Variants in RARA observed in about 807,000 individuals in gnomAD.
RARA encodes the protein retinoic acid receptor alpha, also known as PML-DDX5-RARA fusion.
A neutral mutation model predicts 42.8 loss-of-function variants in RARA; 5 were observed. The observed-to-expected ratio is 0.12, with a 90% confidence interval of 0.06 to 0.25. The LOEUF is 0.25. Among genes scored for constraint, RARA ranks in the 10% least tolerant of loss-of-function variants. The pLI, the probability that RARA is intolerant of heterozygous loss-of-function variation, is 1.00. For missense variants in RARA, 402 were observed against 628.7 expected, an observed-to-expected ratio of 0.64 and a Z score of 3.86; for synonymous variants, 256 against 259.5, an observed-to-expected ratio of 0.99 and a Z score of 0.13.
At chr17:40,314,185 T>TG (rs1567742474) in intron 1 of RARA, among the ~76,000 whole-genome samples, 1 of 27,890 alleles carries the variant, frequency 3.6e-5, no homozygotes, top group Non-Finnish European at 6.9e-5. Context: ...GGTGGAGGGG[T>TG]GGGGTGGGGG....
chr17:40,341,245 T>C, intron 2 of RARA: 1 of 1,136,076 alleles, frequency 8.8e-7, no homozygotes, highest in South Asian at 1.9e-5. Context: ...CAGGGGCCGG[T>C]ACTGGTTCCC....
At position 40,331,104 on chromosome 17, in the gene RARA, T is replaced by G; in HGVS notation, c.-115T>G. Reference sequence around the variant, plus strand: ...CAGCTCCAGGACAGGGCGGGTGGGCTGACCACCCAAACCCCATCTGGGCCC... The same window carrying G: ...CAGCTCCAGGACAGGGCGGGTGGGCGGACCACCCAAACCCCATCTGGGCCC... On this transcript the variant is annotated 5_prime_UTR_variant, in exon 2 of 9. Coordinates refer to ENST00000254066, the MANE Select transcript of RARA (RefSeq NM_000964.4). 1 of 1,259,668 alleles carries G rather than the reference T, an allele frequency of 7.9e-7. No individual in the cohort carries two copies. The highest frequency in any genetic ancestry group is 1.1e-6 in the Non-Finnish European group (1 of 918,862). The allele number at this position is 1,259,668 out of a possible 1,614,324, so 78.0% of individuals were successfully genotyped here. A position where few individuals can be genotyped will look rare whatever the true frequency, so the allele number is the denominator to read the frequency against.
At chr17:40,349,738 C>T (rs1447266160) in intron 3 of RARA, 46 bp from the exon 4 acceptor site, 4 of 1,609,512 alleles carry the variant, frequency 2.5e-6, no homozygotes, top group Non-Finnish European at 3.4e-6. Flanking sequence ...AGGCACTGCT[C>T]CCACTGTGGG....
chr17:40,316,757 T>C (rs1359733753), intron 1 of RARA, among the ~76,000 whole-genome samples: 3 of 148,994 alleles, frequency 2.0e-5, no homozygotes, highest in East Asian at 2.0e-4. Context: ...CTGGGAGCCA[T>C]TGGCGCATTC....
chr17:40,332,474 G>C (rs571785704), intron 2 of RARA, among the ~76,000 whole-genome samples: 1 of 152,298 alleles, frequency 6.6e-6, no homozygotes, highest in East Asian at 1.9e-4. Context: ...GGCTGGGCTG[G>C]GTCAGTGCCC....
intron 1 of RARA, among the ~76,000 whole-genome samples, chr17:40,323,739 G>T (rs950850027): frequency 7.3e-6 from 1 of 136,720 alleles, no homozygotes; most frequent in East Asian, 2.5e-4. Flanking sequence ...CTTGGGGGGG[G>T]GTCAATGGGT....
At chr17:40,331,780 TGA>T (rs1346378426) in intron 2 of RARA, among the ~76,000 whole-genome samples, 1 of 151,804 alleles carries the variant, frequency 6.6e-6, no homozygotes, top group Non-Finnish European at 1.5e-5. Context: ...CTACCTAGAG[TGA>T]GAGCAGCACA....
At chr17:40,338,974 C>T (rs1470086452) in intron 2 of RARA, among the ~76,000 whole-genome samples, 3 of 152,178 alleles carry the variant, frequency 2.0e-5, no homozygotes, top group Non-Finnish European at 4.4e-5. Context: ...GCTGAGATCA[C>T]ACCACTGCAC....
Position 40,357,001 on chromosome 17 carries a change from C to A in RARA, c.*775C>A. On this transcript the variant is annotated 3_prime_UTR_variant, in exon 9 of 9. Coordinates refer to ENST00000254066, the MANE Select transcript of RARA (RefSeq NM_000964.4). ...CTAACTTTCCAAGGCCTGCCTTCCC[C>A]TCCCTCCCACTGGAGAAGCCGCCAG... 1 of 388,322 alleles carries A rather than the reference C, an allele frequency of 2.6e-6. No individual in the cohort carries two copies. The highest frequency in any genetic ancestry group is 4.4e-5 in the Admixed American group (1 of 22,828). 24.1% of individuals were successfully genotyped at this position (388,322 alleles called of 1,614,324 possible). A position where few individuals can be genotyped will look rare whatever the true frequency, so the allele number is the denominator to read the frequency against.
At chr17:40,336,076 TTTG>T (rs550424980) in intron 2 of RARA, among the ~76,000 whole-genome samples, 1 of 152,096 alleles carries the variant, frequency 6.6e-6, no homozygotes, top group Admixed American at 6.6e-5. Context: ...ATGTTTCTTT[TTTG>T]TTGTTGTTTG....
chr17:40,315,989 G>C (rs1201032292), intron 1 of RARA, among the ~76,000 whole-genome samples: 1 of 152,220 alleles, frequency 6.6e-6, no homozygotes, highest in African/African-American at 2.4e-5. Context: ...TCCCTGGTGG[G>C]AGGGGGTGGT....
In RARA at chr17:40,355,631, G is replaced by T. The variant is rs1467513371; in HGVS notation, c.1171+210G>T. Among the ~76,000 whole-genome samples the T allele has an allele frequency of 3.3e-5, 5 of 152,240 alleles. No individual in the cohort carries two copies. Among genetic ancestry groups the T allele is most frequent in the Non-Finnish European group, 5.9e-5 (4 of 68,034 alleles). Reference sequence around the variant, plus strand: ...AGTTCAGATCGTGGCTCTGGAACCAGACACGTGGGTGTGTGTCCTTGTGTG... The same window carrying T: ...AGTTCAGATCGTGGCTCTGGAACCATACACGTGGGTGTGTGTCCTTGTGTG... On this transcript the variant is annotated intron_variant, in intron 8 of 8. Coordinates refer to ENST00000254066, the MANE Select transcript of RARA (RefSeq NM_000964.4). The surrounding 1 kb of genome is among the most constrained non-coding windows in gnomAD (Gnocchi z 4.1).
chr17:40,312,266 C>T (rs1022641090), intron 1 of RARA, among the ~76,000 whole-genome samples: 3 of 152,246 alleles, frequency 2.0e-5, no homozygotes, highest in Admixed American at 6.5e-5. Context: ...CCTCCTCCCG[C>T]AGGGTAGGGG....
At position 40,342,312 on chromosome 17, in the gene RARA, C is replaced by T. The variant is rs547596073; in HGVS notation, c.179-6004C>T. The stretch of plus-strand genomic sequence containing the variant: ...TCCCCGGCTGGGAGGAGGAAGTGCT[C>T]GTTGACCCCCAGCCCCGCGCTGATC... On this transcript the variant is annotated intron_variant, in intron 2 of 8. Transcript: ENST00000254066. 45 of 1,067,988 alleles carry T rather than the reference C, an allele frequency of 4.2e-5. No homozygotes were observed. The East Asian group carries it at 2.1e-3, about 49-fold the overall frequency. The allele number at this position is 1,067,988 out of a possible 1,614,324, so 66.2% of individuals were successfully genotyped here. A position where few individuals can be genotyped will look rare whatever the true frequency, so the allele number is the denominator to read the frequency against.
At chr17:40,342,594 AG>A (rs963094958) in intron 2 of RARA, 3 of 1,421,644 alleles carry the variant, frequency 2.1e-6, no homozygotes, top group Non-Finnish European at 2.8e-6. Context: ...AGTCGGGGCG[AG>A]GGGACGTCTC....
At chr17:40,327,522 T>C (rs1214388230) in intron 1 of RARA, among the ~76,000 whole-genome samples, 2 of 152,214 alleles carry the variant, frequency 1.3e-5, no homozygotes, top group East Asian at 3.8e-4. Context: ...GTTCGGAGAA[T>C]GTACAGTTTG....
chr17:40,333,859 A>G (rs1338656697), intron 2 of RARA, among the ~76,000 whole-genome samples: 1 of 151,906 alleles, frequency 6.6e-6, no homozygotes, highest in Non-Finnish European at 1.5e-5. Flanking sequence ...CTGGTCTCAA[A>G]CTCCTGAGCT....
Position 40,356,143 on chromosome 17 carries a change from G to A in RARA, c.1306G>A (p.Gly436Ser), listed in dbSNP as rs572392003. 1.9e-6 allele frequency: 3 copies of A among 1,555,836 alleles called. No homozygotes were observed. The East Asian group carries it at 7.1e-5, about 37-fold the overall frequency. ...QPGGGGRDGG[G>S]LAPPPGSCSP... ...GGGGGGTGGGGGGCGGGACGGGGGT[G>A]GCCTGGCCCCCCCGCCAGGCAGCTG... The change falls in exon 9 of 9, where the codon GGC becomes AGC. Residue 436 changes from glycine (G) to serine (S), a missense_variant. This residue lies in a region of RARA where 73 missense variants were observed against 59.8 expected (regional missense o/e 1.22). Transcript: ENST00000254066.
rs753325918 is a variant in RARA, at chr17:40,348,321, G to A, written c.184G>A (p.Glu62Lys). ...CTCCCCTCTTCTCTCTCTAGCCATT[G>A]AGACCCAGAGCAGCAGTTCTGAAGA... ...GYSTPSPATI[E>K]TQSSSSEEIV... Residue 62 changes from glutamate (E) to lysine (K), a missense_variant, in exon 3 of 9, where the codon GAG becomes AAG. By Grantham distance (56) the Glu-to-Lys change is moderately conservative (BLOSUM62 1). Around this residue, in one of 5 missense-constraint regions of RARA, gnomAD observed 91 missense variants for 105.2 expected, o/e 0.87. Coordinates refer to ENST00000254066, the MANE Select transcript of RARA (RefSeq NM_000964.4). 6.3e-7 allele frequency: 1 copy of A among 1,593,956 alleles called. No individual in the cohort carries two copies. Among genetic ancestry groups the A allele is most frequent in the Non-Finnish European group, 8.5e-7 (1 of 1,170,054 alleles).
Sources: allele counts gnomAD v4.1 joint callset (sites outside exome capture counted in the v4.1 genomes callset), GRCh38; gene constraint gnomAD v4.1.1; regional missense constraint gnomAD v4.1.1; non-coding constraint Gnocchi (gnomAD v3.1); transcripts MANE v1.5; gene names NCBI Gene and HGNC (gene_info 2026-07-23, HGNC 2026-07-21).